The following SLC39A11 variants were observed in gnomAD, a reference collection of about 807,000 sequenced individuals.
SLC39A11 encodes the protein solute carrier family 39 member 11.
SLC39A11 carries 33 observed loss-of-function variants against 36.1 expected under a neutral mutation model. The observed-to-expected ratio is 0.91, with a 90% CI of 0.69 to 1.22. The LOEUF is 1.22. SLC39A11 is among the 50% of genes most tolerant of loss of function. SLC39A11 has a pLI of 0.00. For synonymous variants in SLC39A11, 166 were observed against 170.3 expected, an observed-to-expected ratio of 0.97 and a Z score of 0.20; for missense variants, 432 against 430.3, an observed-to-expected ratio of 1.00 and a Z score of -0.03.
At chr17:72,843,510 T>C (rs916906998) in intron 6 of SLC39A11, among the ~76,000 whole-genome samples, 3 of 152,102 alleles carry the variant, frequency 2.0e-5, no homozygotes, top group Non-Finnish European at 2.9e-5. Context: ...AACAACCTCA[T>C]GAAATGAGAC....
At chr17:72,919,234 A>G (rs983064051) in intron 5 of SLC39A11, among the ~76,000 whole-genome samples, 4 of 152,126 alleles carry the variant, frequency 2.6e-5, no homozygotes, top group African/African-American at 9.7e-5. Flanking sequence ...GTGTGCCGAA[A>G]GACAGTCTCT....
At chr17:72,921,642 A>AT (rs2083675072) in intron 5 of SLC39A11, among the ~76,000 whole-genome samples, 1 of 152,214 alleles carries the variant, frequency 6.6e-6, no homozygotes. Context: ...AAGATCCATA[A>AT]CTTTCACCAG....
At chr17:72,753,665 C>T (rs1183812310) in intron 6 of SLC39A11, among the ~76,000 whole-genome samples, 1 of 151,712 alleles carries the variant, frequency 6.6e-6, no homozygotes, top group Non-Finnish European at 1.5e-5. Context: ...TCTCAGGTGT[C>T]TGGGGATCTG....
At chr17:72,862,734 T>TAAAAA (rs147003693) in intron 5 of SLC39A11, among the ~76,000 whole-genome samples, 1 of 150,678 alleles carries the variant, frequency 6.6e-6, no homozygotes. Flanking sequence ...CCACTAAGGT[T>TAAAAA]AAAAAAAAAG....
chr17:72,737,586 A>AT (rs200832930), intron 6 of SLC39A11, among the ~76,000 whole-genome samples: 5 of 151,172 alleles, frequency 3.3e-5, no homozygotes, highest in Non-Finnish European at 5.9e-5. Flanking sequence ...TTTAGTTTTC[A>AT]TTTTTTTTTC....
At chr17:72,869,062 G>C (rs996801129) in intron 5 of SLC39A11, among the ~76,000 whole-genome samples, 3 of 152,320 alleles carry the variant, frequency 2.0e-5, no homozygotes, top group East Asian at 3.9e-4. Flanking sequence ...ATCTTTAAAA[G>C]AGAGAGCTTT....
intron 4 of SLC39A11, among the ~76,000 whole-genome samples, chr17:73,030,609 T>C (rs2058707848): frequency 6.6e-6 from 1 of 152,130 alleles, no homozygotes; most frequent in Admixed American, 6.5e-5. Context: ...TCCAGAGAGT[T>C]CTCCCTGCAC....
rs112312236 is a variant in SLC39A11, at chr17:72,749,739, G to C, written c.602-13020C>G. On this transcript the variant is annotated intron_variant, in intron 6 of 9. Coordinates refer to ENST00000255559, the MANE Select transcript of SLC39A11 (RefSeq NM_139177.4). ...CCCCAGCCCCACACTGCACACCGAA[G>C]GCAGGAGGTCTCTAATCACTGGTCA... 1.1e-3 allele frequency among the ~76,000 whole-genome samples: 173 copies of C among 152,184 alleles called. 3 individuals are homozygous for C. Among genetic ancestry groups the C allele is most frequent in the Middle Eastern group, 6.8e-3 (2 of 294 alleles).
chr17:73,053,637 C>T (rs1265234248), intron 3 of SLC39A11, among the ~76,000 whole-genome samples: 2 of 152,234 alleles, frequency 1.3e-5, no homozygotes, highest in East Asian at 3.9e-4. Flanking sequence ...GCCCGAGCTC[C>T]CACAACTAGT....
chr17:72,656,768 G>T (rs566779558), intron 7 of SLC39A11, among the ~76,000 whole-genome samples: 1 of 152,168 alleles, frequency 6.6e-6, no homozygotes, highest in Non-Finnish European at 1.5e-5. Flanking sequence ...CGCGAGGAAG[G>T]GGGGTCCCAT....
rs149138537 is a variant in SLC39A11 at position 72,976,412 on chromosome 17, C to T, written c.307-28537G>A. On this transcript the variant is annotated intron_variant, in intron 4 of 9. Transcript: ENST00000255559. ...AACAACTCAGTCCCTAGGTCTCACA[C>T]TCACCCTCCATTCCAATTTTCCACT... Among the ~76,000 whole-genome samples, 536 of 152,186 alleles carry T rather than the reference C, an allele frequency of 3.5e-3. 6 individuals carry two copies. The highest frequency in any genetic ancestry group is 0.012 in the African/African-American group (497 of 41,512).
At chr17:72,960,820 C>G (rs1453829851) in intron 4 of SLC39A11, among the ~76,000 whole-genome samples, 2 of 149,520 alleles carry the variant, frequency 1.3e-5, no homozygotes, top group African/African-American at 2.5e-5. Context: ...AAAAAACAAA[C>G]AAACAACAAA....
At chr17:72,924,350 C>A (rs1383074540) in intron 5 of SLC39A11, among the ~76,000 whole-genome samples, 1 of 151,860 alleles carries the variant, frequency 6.6e-6, no homozygotes, top group Non-Finnish European at 1.5e-5. Context: ...CTCACAGAAA[C>A]CTGATAAGCT....
intron 6 of SLC39A11, among the ~76,000 whole-genome samples, chr17:72,831,762 C>G (rs1414458634): frequency 6.6e-5 from 10 of 152,300 alleles, no homozygotes; most frequent in African/African-American, 2.4e-4. Context: ...TTCATTCTCT[C>G]TTAAAGAGAA....
intron 7 of SLC39A11, among the ~76,000 whole-genome samples, chr17:72,672,657 T>C (rs2144189763): frequency 6.6e-6 from 1 of 152,290 alleles, no homozygotes; most frequent in South Asian, 2.1e-4. Context: ...TGGAGTACAA[T>C]GACACTATCA....
At chr17:72,703,027 A>C (rs1200711057) in intron 7 of SLC39A11, among the ~76,000 whole-genome samples, 1 of 151,996 alleles carries the variant, frequency 6.6e-6, no homozygotes, top group Admixed American at 6.6e-5. Context: ...AGAAGACATA[A>C]ATGGGCTGCC....
intron 6 of SLC39A11, among the ~76,000 whole-genome samples, chr17:72,844,531 T>C (rs2078966225): frequency 6.6e-6 from 1 of 152,094 alleles, no homozygotes; most frequent in South Asian, 2.1e-4. Flanking sequence ...TAGCCAGGTG[T>C]CGTGGCATGC....
intron 5 of SLC39A11, among the ~76,000 whole-genome samples, chr17:72,919,589 G>A (rs987386370): frequency 1.3e-5 from 2 of 150,168 alleles, no homozygotes; most frequent in Non-Finnish European, 3.0e-5. Context: ...GGAGAATGGC[G>A]AGAACCCGGG....
intron 4 of SLC39A11, among the ~76,000 whole-genome samples, chr17:73,002,583 G>A (rs1249605176): frequency 2.0e-5 from 3 of 152,276 alleles, no homozygotes; most frequent in East Asian, 1.9e-4. Flanking sequence ...TTCCTTCAAT[G>A]GCACAGAGCA....
Sources: gnomAD v4.1 joint callset for allele counts (sites outside exome capture counted in the v4.1 genomes callset) on GRCh38, gnomAD v4.1.1 for gene constraint, MANE v1.5 for transcripts, NCBI Gene and HGNC (gene_info 2026-07-23, HGNC 2026-07-21) for gene names.